Variants in NAALADL2 observed in about 807,000 individuals in gnomAD.
NAALADL2 encodes the protein N-acetylated alpha-linked acidic dipeptidase like 2.
In NAALADL2, 76 loss-of-function variants were observed where a neutral mutation model predicts 87.2. The ratio of observed to expected loss-of-function variants is 0.87; its 90% CI spans 0.72 to 1.05. NAALADL2 has a LOEUF of 1.05. NAALADL2 is among the 50% of genes least tolerant of loss of function. The pLI, the probability that NAALADL2 is intolerant of heterozygous loss-of-function variation, is 0.00. For synonymous variants in NAALADL2, 354 were observed against 331.0 expected (o/e 1.07, Z -0.75); for missense variants, 1,089 against 945.8 (o/e 1.15, Z -1.99).
chr3:174,769,540 C>T (rs536545229), intron 3 of NAALADL2, among the ~76,000 whole-genome samples: 2 of 151,744 alleles, frequency 1.3e-5, no homozygotes, highest in African/African-American at 4.8e-5. Flanking sequence ...TTATTAAGGA[C>T]AATAGCTGGA....
intron 2 of NAALADL2, among the ~76,000 whole-genome samples, chr3:175,177,860 T>TGTGTGC (rs528739519): frequency 4.0e-5 from 6 of 151,850 alleles, no homozygotes; most frequent in African/African-American, 1.2e-4. Context: ...TGTGTGTGTG[T>TGTGTGC]GCATGCTGTA....
chr3:174,737,101 G>A (rs1733296016), intron 2 of NAALADL2, among the ~76,000 whole-genome samples: 1 of 152,218 alleles, frequency 6.6e-6, no homozygotes, highest in Non-Finnish European at 1.5e-5. Flanking sequence ...CCTGGCTCCT[G>A]CCAGGCCATG....
intron 1 of NAALADL2, among the ~76,000 whole-genome samples, chr3:174,950,203 A>T (rs1488779687): frequency 6.6e-6 from 1 of 152,082 alleles, no homozygotes; most frequent in African/African-American, 2.4e-5. Context: ...ACTTGATGAA[A>T]GTGTAGAGTC....
chr3:175,515,560 GAA>G (rs143935735), intron 9 of NAALADL2, among the ~76,000 whole-genome samples: 5 of 139,750 alleles, frequency 3.6e-5, no homozygotes, highest in Non-Finnish European at 3.1e-5. Flanking sequence ...TAATTTTTGG[GAA>G]AAAAAAAAAA....
rs1167550415 is a variant in NAALADL2 at position 175,495,094 on chromosome 3, T to TATATA, written c.1653+23336_1653+23337insATATA. On this transcript the variant is annotated intron_variant, in intron 9 of 13. Coordinates refer to ENST00000454872, the MANE Select transcript of NAALADL2 (RefSeq NM_207015.3). ...ATCCCATATATATATATATATATAT[T>TATATA]TTTTTTTAATTTTAGATTATTTCTA... Among the ~76,000 whole-genome samples the TATATA allele has an allele frequency of 8.3e-3, 1,111 of 133,248 alleles. 8 individuals carry two copies. Among genetic ancestry groups the TATATA allele is most frequent in the African/African-American group, 0.019 (661 of 35,490 alleles). The allele number at this position is 133,248 out of a possible 152,430, so 87.4% of individuals were successfully genotyped here.
chr3:175,105,690 T>G (rs1723019982), intron 2 of NAALADL2, among the ~76,000 whole-genome samples: 1 of 150,270 alleles, frequency 6.7e-6, no homozygotes, highest in Non-Finnish European at 1.5e-5. Flanking sequence ...CACATCCCTT[T>G]GATTTTTAAA....
chr3:174,610,711 G>GT (rs768343663), intron 2 of NAALADL2, among the ~76,000 whole-genome samples: 193 of 143,354 alleles, frequency 1.3e-3, no homozygotes, highest in Non-Finnish European at 2.4e-3. Flanking sequence ...CTTTTACACT[G>GT]TTGTTGGGAC....
Position 174,477,051 on chromosome 3 carries a change from C to T in NAALADL2, c.-184+36019C>T, listed in dbSNP as rs117002095. On this transcript the variant is annotated intron_variant, in intron 1 of 3. Coordinates refer to the NAALADL2 transcript ENST00000434257. ...AAATTAAAGAAAAGCCAGGTGAGAT[C>T]GCACCATTGCACTCCAGCCTGGGCA... Among the ~76,000 whole-genome samples the T allele has an allele frequency of 3.4e-4, 51 of 151,638 alleles. 1 individual carries two copies. The East Asian group carries it at 8.7e-3, about 26-fold the overall frequency.
chr3:175,035,052 G>A lies in NAALADL2; in HGVS notation c.44-61738G>A, dbSNP rs1034667323. ...ACAGTTGAAAGAAGTAATAAAGGTG[G>A]CCATAATAAATGAATGAAGGTTATG... On this transcript the variant is annotated intron_variant, in intron 1 of 13. Transcript: ENST00000454872. 2.0e-5 allele frequency among the ~76,000 whole-genome samples: 3 copies of A among 152,208 alleles called. 1 individual carries two copies. The highest frequency in any genetic ancestry group is 4.4e-5 in the Non-Finnish European group (3 of 68,014).
chr3:175,667,501 T>C (rs1582831837), intron 11 of NAALADL2, among the ~76,000 whole-genome samples: 1 of 152,288 alleles, frequency 6.6e-6, no homozygotes, highest in East Asian at 1.9e-4. Flanking sequence ...GATGGAGTTG[T>C]ACTCTGTTGC....
chr3:175,560,425 T>C (rs747616080), intron 9 of NAALADL2, among the ~76,000 whole-genome samples: 37 of 152,306 alleles, frequency 2.4e-4, no homozygotes, highest in Admixed American at 5.2e-4. Context: ...TTCATTTTAA[T>C]TTCAATTTTG....
intron 1 of NAALADL2, among the ~76,000 whole-genome samples, chr3:174,958,811 CTG>C (rs1365925579): frequency 2.0e-5 from 3 of 152,052 alleles, no homozygotes; most frequent in Admixed American, 6.6e-5. Flanking sequence ...TTGGAAAAGA[CTG>C]TCTTGTACAG....
At chr3:175,758,454 A>G (rs1199922839) in intron 13 of NAALADL2, among the ~76,000 whole-genome samples, 2 of 151,904 alleles carry the variant, frequency 1.3e-5, no homozygotes, top group Non-Finnish European at 2.9e-5. Flanking sequence ...TAAATAGATT[A>G]GCTTCGTTTA....
At chr3:174,729,444 A>G (rs75096672) in intron 2 of NAALADL2, among the ~76,000 whole-genome samples, 11,949 of 152,054 alleles carry the variant, frequency 0.079, 516 homozygotes, top group Middle Eastern at 0.14. Context: ...GTCCAGGTAG[A>G]CTGGGTTGGA....
intron 9 of NAALADL2, among the ~76,000 whole-genome samples, chr3:175,488,699 G>A (rs1208225929): frequency 2.6e-5 from 4 of 152,172 alleles, no homozygotes; most frequent in Admixed American, 2.0e-4. Flanking sequence ...TACTTCACAT[G>A]CCTGCTCCAT....
At chr3:174,626,950 A>C (rs931561134) in intron 2 of NAALADL2, among the ~76,000 whole-genome samples, 1 of 152,102 alleles carries the variant, frequency 6.6e-6, no homozygotes, top group Non-Finnish European at 1.5e-5. Context: ...ATAGTTTACA[A>C]AGATGATTCA....
intron 2 of NAALADL2, among the ~76,000 whole-genome samples, chr3:175,126,441 T>C (rs1726963867): frequency 6.6e-6 from 1 of 152,160 alleles, no homozygotes; most frequent in Non-Finnish European, 1.5e-5. Context: ...AGAGCTATCT[T>C]GGTAACTTTA....
chr3:175,607,903 A>ACACACACG (rs1582604560), intron 10 of NAALADL2, among the ~76,000 whole-genome samples: 2 of 58,126 alleles, frequency 3.4e-5, no homozygotes. Context: ...CATGGAACAC[A>ACACACACG]CACACACACG....
At chr3:174,947,971 T>C (rs1268889434) in intron 1 of NAALADL2, among the ~76,000 whole-genome samples, 2 of 152,112 alleles carry the variant, frequency 1.3e-5, no homozygotes, top group Non-Finnish European at 2.9e-5. Context: ...AGTTATGAAC[T>C]GCTATTTTTA....
Sources: allele counts gnomAD v4.1 joint callset (sites outside exome capture counted in the v4.1 genomes callset), GRCh38; gene constraint gnomAD v4.1.1; transcripts MANE v1.5; gene names NCBI Gene and HGNC (gene_info 2026-07-23, HGNC 2026-07-21).